The following DOCK2 variants were observed in gnomAD, a reference collection of about 807,000 sequenced individuals.
The protein encoded by DOCK2 is dedicator of cytokinesis protein 2.
A neutral mutation model predicts 248.9 loss-of-function variants in DOCK2; 87 were observed. The ratio of observed to expected loss-of-function variants is 0.35; its 90% CI spans 0.29 to 0.42. The LOEUF is 0.42. DOCK2 is among the 10% of genes least tolerant of loss of function. The pLI is 1.00. For missense variants in DOCK2, 1,747 were observed against 2,300.2 expected (o/e 0.76, Z 4.92); for synonymous variants, 805 against 821.6 (o/e 0.98, Z 0.35).
intron 4 of DOCK2, 84 bp from the exon 5 acceptor site, chr5:169,670,994 C>A: frequency 2.6e-6 from 3 of 1,167,586 alleles, no homozygotes; most frequent in Non-Finnish European, 3.8e-6. Flanking sequence ...TCCGCAGCTG[C>A]AGCTTAATGC....
intron 26 of DOCK2, among the ~76,000 whole-genome samples, chr5:169,827,262 C>T (rs537059348): frequency 1.3e-5 from 2 of 152,156 alleles, no homozygotes; most frequent in African/African-American, 4.8e-5. Context: ...CTGGCCATCT[C>T]ATTTTTTGGT....
intron 9 of DOCK2, among the ~76,000 whole-genome samples, chr5:169,693,420 C>T (rs765055910): frequency 1.3e-5 from 2 of 152,018 alleles, no homozygotes; most frequent in Non-Finnish European, 2.9e-5. Flanking sequence ...CCTTTCATGT[C>T]AACTGGGAAA....
intron 26 of DOCK2, among the ~76,000 whole-genome samples, chr5:169,827,496 C>T (rs1470538063): frequency 2.0e-5 from 3 of 152,280 alleles, no homozygotes; most frequent in South Asian, 2.1e-4. Context: ...CTGGTGAGAA[C>T]GGAAAGTGAC....
intron 27 of DOCK2, among the ~76,000 whole-genome samples, chr5:169,947,811 C>T (rs1776505998): frequency 1.3e-5 from 2 of 152,162 alleles, no homozygotes; most frequent in Non-Finnish European, 2.9e-5. Context: ...GCTGGGTGAG[C>T]ATGAGCATAC....
At chr5:169,739,156 C>T (rs533166936) in intron 22 of DOCK2, among the ~76,000 whole-genome samples, 1 of 152,270 alleles carries the variant, frequency 6.6e-6, no homozygotes, top group Admixed American at 6.5e-5. Context: ...TTTCAGGAAG[C>T]CATGGAATCA....
At chr5:170,081,645 C>A (rs2113880788) in intron 50 of DOCK2, 197 bp from the exon 51 acceptor site, 2 of 636,360 alleles carry the variant, frequency 3.1e-6, no homozygotes, top group Admixed American at 3.3e-5. Flanking sequence ...GTAGGGTGGG[C>A]AATCTTCACT....
rs369013024 is a variant in DOCK2, at chr5:169,962,359, A to T, written c.2800-20709A>T. ...GAGTTGGATATGGCCAGTCAGAAAA[A>T]GTGGTAAAGATGTCAAAGGTTTCCA... On this transcript the variant is annotated intron_variant, in intron 27 of 51. Transcript: ENST00000520908. 1.6e-3 allele frequency among the ~76,000 whole-genome samples: 244 copies of T among 152,298 alleles called. 5 individuals carry two copies. In the South Asian group the frequency reaches 0.044, roughly 27 times the overall value.
At chr5:169,684,438 A>G (rs930717846) in intron 8 of DOCK2, 88 bp downstream of exon 8, 216 of 1,490,066 alleles carry the variant, frequency 1.4e-4, no homozygotes, top group Non-Finnish European at 1.9e-4. Context: ...TTGTGGAGCA[A>G]TCTCCACCTG....
At chr5:169,826,875 C>T (rs1457230053) in intron 26 of DOCK2, among the ~76,000 whole-genome samples, 8 of 152,072 alleles carry the variant, frequency 5.3e-5, no homozygotes, top group African/African-American at 1.9e-4. Flanking sequence ...TCTCAGCTCC[C>T]TGTAATAACA....
intron 27 of DOCK2, among the ~76,000 whole-genome samples, chr5:169,907,153 TCTGATGG>T (rs1276229901): frequency 6.6e-6 from 1 of 152,188 alleles, no homozygotes; most frequent in Non-Finnish European, 1.5e-5. Flanking sequence ...GGGACCCATA[TCTGATGG>T]CTGCTGAGGC....
At chr5:169,788,210 A>G (rs750279882) in intron 25 of DOCK2, among the ~76,000 whole-genome samples, 2 of 152,094 alleles carry the variant, frequency 1.3e-5, no homozygotes, top group South Asian at 2.1e-4. Flanking sequence ...TATCACTTGC[A>G]TGCTGGTCCT....
rs1225339031 is a variant in DOCK2 at position 169,882,700 on chromosome 5, TTAA to T, written c.2799+41850_2799+41852del. ...TTCACCCCGTGCCAGGTGAATTTGA[TTAA>T]TGTCACTAATCTCCCTGTTGCTCTG... On this transcript the variant is annotated intron_variant, in intron 27 of 51. Coordinates refer to ENST00000520908, the MANE Select transcript of DOCK2 (RefSeq NM_004946.3). The T allele has an allele frequency of 1.9e-6, 3 of 1,551,962 alleles. No individual in the cohort carries two copies. In the African/African-American group the frequency reaches 4.1e-5, roughly 21 times the overall value.
At chr5:169,879,226 C>T (rs995745501) in intron 27 of DOCK2, among the ~76,000 whole-genome samples, 1 of 152,202 alleles carries the variant, frequency 6.6e-6, no homozygotes, top group African/African-American at 2.4e-5. Flanking sequence ...CAGTGACATG[C>T]ACTGAGCGCA....
chr5:170,041,244 A>G (rs1561893931), intron 37 of DOCK2, 99 bp downstream of exon 37: 1 of 1,126,828 alleles, frequency 8.9e-7, no homozygotes. Context: ...AAAGAATCCA[A>G]ATATTTTGTT....
At chr5:169,867,427 GTCTGTCTGTCTATCTATCTA>G (rs1256876723) in intron 27 of DOCK2, among the ~76,000 whole-genome samples, 1 of 149,160 alleles carries the variant, frequency 6.7e-6, no homozygotes, top group East Asian at 2.1e-4. Flanking sequence ...CTGTCTGTCT[GTCTGTCTGTCTATCTATCTA>G]TCTGTCTGTC....
At chr5:169,713,978 C>T in intron 17 of DOCK2, 50 bp from the exon 18 acceptor site, 1 of 1,527,982 alleles carries the variant, frequency 6.5e-7, no homozygotes, top group East Asian at 2.3e-5. Context: ...CTCTGTGTGG[C>T]ATTGGGCATG....
chr5:170,053,785 C>T (rs17671199), intron 41 of DOCK2, among the ~76,000 whole-genome samples: 1,789 of 152,324 alleles, frequency 0.012, 83 homozygotes, highest in Admixed American at 0.077. Context: ...CACCTAACTT[C>T]TTAGCATAGA....
At chr5:169,807,340 G>T (rs538171758) in intron 26 of DOCK2, among the ~76,000 whole-genome samples, 1 of 152,252 alleles carries the variant, frequency 6.6e-6, no homozygotes, top group East Asian at 1.9e-4. Context: ...TGGGGTCCTG[G>T]CGTCCAGTAA....
rs569141491 is a variant in DOCK2, at chr5:169,775,051, G to A, written c.2554+13426G>A. 3.9e-5 allele frequency among the ~76,000 whole-genome samples: 6 copies of A among 152,266 alleles called. No individual in the cohort carries two copies. In the South Asian group the frequency reaches 1.2e-3, roughly 32 times the overall value. ...AGCCCCCGGAGTAGCTGGGATAACA[G>A]GCATGAGCCACCATGCCTGGCTAAT... On this transcript the variant is annotated intron_variant, in intron 25 of 51. Transcript: ENST00000520908.
Sources: allele counts gnomAD v4.1 joint callset (sites outside exome capture counted in the v4.1 genomes callset), GRCh38; gene constraint gnomAD v4.1.1; transcripts MANE v1.5; gene names NCBI Gene and HGNC (gene_info 2026-07-23, HGNC 2026-07-21).